NSD2: variants seen among roughly 807,000 people sequenced by gnomAD.
The protein encoded by NSD2 is nuclear receptor binding SET domain protein 2.
Under a neutral mutation model 139.0 loss-of-function variants are expected in NSD2, and 12 were observed. That is an observed-to-expected ratio of 0.09 (90% CI 0.06 to 0.14). The LOEUF is 0.14. NSD2 is among the 10% of genes least tolerant of loss of function. The pLI, the probability that NSD2 is intolerant of heterozygous loss-of-function variation, is 1.00. For missense variants in NSD2, 1,155 were observed against 1,745.0 expected, an observed-to-expected ratio of 0.66 and a Z score of 6.02; for synonymous variants, 669 against 648.7, an observed-to-expected ratio of 1.03 and a Z score of -0.48.
intron 17 of NSD2, among the ~76,000 whole-genome samples, 191 bp from the exon 18 acceptor site, chr4:1,960,844 G>A (rs1725292694): frequency 6.6e-6 from 1 of 152,164 alleles, no homozygotes; most frequent in African/African-American, 2.4e-5. Flanking sequence ...TTTTTCATTG[G>A]CAACCTTTAC....
intron 17 of NSD2, 47 bp downstream of exon 17, chr4:1,959,787 C>T (rs1252568553): frequency 1.3e-6 from 2 of 1,595,998 alleles, no homozygotes; most frequent in African/African-American, 1.3e-5. Flanking sequence ...TTACGGTTCA[C>T]TGGGTAATTA....
intron 9 of NSD2, chr4:1,943,378 C>G (rs776553413): frequency 2.4e-5 from 25 of 1,042,478 alleles, no homozygotes; most frequent in Non-Finnish European, 2.7e-5. Flanking sequence ...CTGGCCAGGA[C>G]TCCGTGGTTT....
chr4:1,924,207 C>T (rs923880129), intron 5 of NSD2, among the ~76,000 whole-genome samples: 2 of 152,128 alleles, frequency 1.3e-5, no homozygotes, highest in African/African-American at 4.8e-5. Flanking sequence ...ATAAAGTAAT[C>T]AGCAATGTGT....
rs372794372 is a variant in NSD2, at chr4:1,960,541, C to A, written c.3256-494C>A. ...TATTTTGGCATGACCCAGGTCCATA[C>A]CAGGGCTGACCCAGCACAGAGAGTT... On this transcript the variant is annotated intron_variant, in intron 17 of 21. Transcript: ENST00000508803. 2.4e-3 allele frequency among the ~76,000 whole-genome samples: 371 copies of A among 152,344 alleles called. 2 individuals are homozygous for A. Among genetic ancestry groups the A allele is most frequent in the African/African-American group, 8.6e-3 (357 of 41,578 alleles).
chr4:1,882,377 A>T (rs1435219099), intron 1 of NSD2, among the ~76,000 whole-genome samples: 3 of 152,152 alleles, frequency 2.0e-5, no homozygotes, highest in Non-Finnish European at 4.4e-5. Context: ...AAGAAAGAAA[A>T]CTTTGGGCTG....
At chr4:1,944,367 T>G (rs1487438329) in intron 9 of NSD2, 1 of 1,065,704 alleles carries the variant, frequency 9.4e-7, no homozygotes, top group Admixed American at 5.3e-5. Flanking sequence ...TAACGTGGAA[T>G]TCCTTCATTT....
intron 1 of NSD2, among the ~76,000 whole-genome samples, chr4:1,875,254 C>T (rs139225905): frequency 3.3e-5 from 5 of 151,224 alleles, no homozygotes; most frequent in Non-Finnish European, 7.4e-5. Context: ...CCACTGTGCC[C>T]GGCCAAGTTG....
chr4:1,877,794 G>T (rs948756051), intron 1 of NSD2, among the ~76,000 whole-genome samples: 1 of 152,142 alleles, frequency 6.6e-6, no homozygotes, highest in African/African-American at 2.4e-5. Context: ...AGGTATCTGT[G>T]TGGCTTACCC....
At chr4:1,882,418 A>T (rs946122280) in intron 1 of NSD2, among the ~76,000 whole-genome samples, 1 of 152,332 alleles carries the variant, frequency 6.6e-6, no homozygotes, top group South Asian at 2.1e-4. Flanking sequence ...TAATCCCAGC[A>T]CTTTGGGAGG....
intron 2 of NSD2, among the ~76,000 whole-genome samples, chr4:1,902,501 G>A (rs1003103279): frequency 6.6e-6 from 1 of 152,092 alleles, no homozygotes; most frequent in Non-Finnish European, 1.5e-5. Context: ...TCGAGTTACA[G>A]GTATGAGCTA....
At chr4:1,960,065 C>T (rs1204743650) in intron 17 of NSD2, among the ~76,000 whole-genome samples, 3 of 152,020 alleles carry the variant, frequency 2.0e-5, no homozygotes, top group Non-Finnish European at 4.4e-5. Context: ...TGCTGTGTTG[C>T]CCAGGCTCAT....
intron 1 of NSD2, among the ~76,000 whole-genome samples, chr4:1,884,892 T>C (rs1219130790): frequency 1.3e-5 from 2 of 151,818 alleles, no homozygotes; most frequent in African/African-American, 4.8e-5. Context: ...GCGGATCACC[T>C]GAGGTCAGGA....
chr4:1,952,403 CAGT>C (rs1724366301), intron 11 of NSD2, among the ~76,000 whole-genome samples, 172 bp downstream of exon 11: 1 of 152,208 alleles, frequency 6.6e-6, no homozygotes, highest in Admixed American at 6.5e-5. Context: ...ACCCACCTCT[CAGT>C]AGCTGCAGGG....
chr4:1,944,897 A>G, intron 9 of NSD2: 1 of 1,063,178 alleles, frequency 9.4e-7, no homozygotes, highest in Non-Finnish European at 1.1e-6. Flanking sequence ...TATCTCTTAT[A>G]CCTGTATCTC....
At chr4:1,943,518 G>T (rs1259240591) in intron 9 of NSD2, 8 of 1,048,466 alleles carry the variant, frequency 7.6e-6, no homozygotes, top group Non-Finnish European at 1.2e-6. Context: ...TGCATGCGAG[G>T]ATGAAATAAA....
At chr4:1,949,486 G>C (rs374487416) in intron 9 of NSD2, among the ~76,000 whole-genome samples, 1 of 152,060 alleles carries the variant, frequency 6.6e-6, no homozygotes, top group East Asian at 1.9e-4. Context: ...ACTCTGGCTG[G>C]GTGCGGTGGC....
intron 9 of NSD2, chr4:1,940,544 T>A (rs1354238174): frequency 3.8e-6 from 4 of 1,064,646 alleles, no homozygotes; most frequent in Middle Eastern, 4.1e-4. Flanking sequence ...TCCTGATTTT[T>A]AGGGATTACC....
intron 1 of NSD2, among the ~76,000 whole-genome samples, chr4:1,873,060 T>A (rs545446928): frequency 1.3e-5 from 2 of 152,338 alleles, no homozygotes; most frequent in African/African-American, 4.8e-5. Context: ...CAAATGGAGA[T>A]GAAGAGGACT....
In NSD2 at chr4:1,918,579, G is replaced by C. The variant is rs1301786203; in HGVS notation, c.1366G>C (p.Ala456Pro). Residue 456 changes from alanine to proline, a missense_variant, in exon 5 of 22, where the codon GCA becomes CCA. Ala to Pro is a conservative substitution (Grantham distance 27). Coordinates refer to ENST00000508803, the MANE Select transcript of NSD2 (RefSeq NM_001042424.3). ...CATGCCACGAAGCAGGAAGGGAGAT[G>C]CAGCATCCCAGTTTTTGGTCTTCTG... ...VSMPRSRKGD[A>P]ASQFLVFCQK... 6.2e-7 allele frequency: 1 copy of C among 1,613,996 alleles called. No individual in the cohort carries two copies. Among genetic ancestry groups the C allele is most frequent in the Non-Finnish European group, 8.5e-7 (1 of 1,180,010 alleles).
Sources: allele counts gnomAD v4.1 joint callset (sites outside exome capture counted in the v4.1 genomes callset), GRCh38; gene constraint gnomAD v4.1.1; transcripts MANE v1.5; gene names NCBI Gene and HGNC (gene_info 2026-07-23, HGNC 2026-07-21).